Variants in NALCN observed in about 807,000 individuals in gnomAD.
The protein encoded by NALCN is sodium leak channel NALCN.
Under a neutral mutation model 225.3 loss-of-function variants are expected in NALCN, and 111 were observed. That is an observed-to-expected ratio of 0.49 (90% CI 0.42 to 0.58). NALCN has a LOEUF of 0.58. Ranked by LOEUF, NALCN falls within the 20% of genes least tolerant of loss-of-function variation. The probability of loss-of-function intolerance (pLI) is 0.00; values close to 1 mark genes in which losing one functional copy is unlikely to be tolerated. For missense variants in NALCN, 1,378 were observed against 2,202.4 expected (o/e 0.63, Z 7.49); for synonymous variants, 764 against 769.0 (o/e 0.99, Z 0.11).
At chr13:101,279,835 TA>T (rs375457580) in intron 10 of NALCN, among the ~76,000 whole-genome samples, 2,058 of 64,778 alleles carry the variant, frequency 0.032, 33 homozygotes, top group South Asian at 0.051. Flanking sequence ...AATAAATAAA[TA>T]AAATAAATAA....
intron 36 of NALCN, 69 bp from the exon 37 acceptor site, chr13:101,073,746 G>C (rs1387553240): frequency 5.2e-6 from 7 of 1,350,858 alleles, no homozygotes; most frequent in Non-Finnish European, 5.2e-6. Context: ...AGCATGGTTT[G>C]CCAACACCAA....
chr13:101,257,990 A>G (rs2042295065), intron 11 of NALCN, among the ~76,000 whole-genome samples: 1 of 152,090 alleles, frequency 6.6e-6, no homozygotes, highest in African/African-American at 2.4e-5. Context: ...GTAGGTTGTA[A>G]CACCCGTTTC....
intron 36 of NALCN, 92 bp downstream of exon 36, chr13:101,074,422 G>T (rs2139470305): frequency 8.2e-7 from 1 of 1,215,656 alleles, no homozygotes; most frequent in Non-Finnish European, 1.1e-6. Flanking sequence ...CCCTCTCCTA[G>T]ACTTTAATAG....
intron 13 of NALCN, among the ~76,000 whole-genome samples, chr13:101,228,269 G>C (rs2041222311): frequency 6.6e-6 from 1 of 152,056 alleles, no homozygotes; most frequent in Non-Finnish European, 1.5e-5. Flanking sequence ...CTAAAATAAA[G>C]CTAAGCTATC....
chr13:101,068,669 A>G (rs778552152), intron 38 of NALCN, 26 bp downstream of exon 38: 1 of 1,558,728 alleles, frequency 6.4e-7, no homozygotes, highest in Non-Finnish European at 8.7e-7. Flanking sequence ...TTAAAGAGTA[A>G]AAAGTATTCA....
chr13:101,063,517 A>G (rs2032127505), intron 40 of NALCN, among the ~76,000 whole-genome samples: 1 of 152,240 alleles, frequency 6.6e-6, no homozygotes, highest in South Asian at 2.1e-4. Context: ...CAGTATGCCT[A>G]TCTGCCTCAT....
chr13:101,401,445 T>C lies in NALCN; in HGVS notation c.-39-2280A>G, dbSNP rs2047476561. 1.3e-5 allele frequency among the ~76,000 whole-genome samples: 2 copies of C among 152,122 alleles called. 1 individual carries two copies. The highest frequency in any genetic ancestry group is 1.3e-4 in the Admixed American group (2 of 15,280). ...AAGATGACACATACAAAGGAGCAAG[T>C]AAAAGAGTGGTTTCACTTCAAAGAT... is the stretch of plus-strand genomic sequence containing the variant. On this transcript the variant is annotated intron_variant, in intron 1 of 43. Transcript: ENST00000251127.
intron 12 of NALCN, among the ~76,000 whole-genome samples, chr13:101,237,521 T>C (rs1043404096): frequency 2.6e-5 from 4 of 151,938 alleles, no homozygotes; most frequent in African/African-American, 9.7e-5. Flanking sequence ...AAGTAAAACA[T>C]CTACATTGTT....
At chr13:101,060,275 G>GTTTTTTTTTTTTTTTTTTTTTTTT (rs771531599) in intron 41 of NALCN, among the ~76,000 whole-genome samples, 1 of 79,854 alleles carries the variant, frequency 1.3e-5, no homozygotes. Flanking sequence ...GGTGTTTTCT[G>GTTTTTTTTTTTTTTTTTTTTTTTT]TTTTTTTTTT....
Position 101,287,463 on chromosome 13 carries a change from C to T in NALCN, c.1048-3444G>A, listed in dbSNP as rs1163343177. On this transcript the variant is annotated intron_variant, in intron 9 of 43. Coordinates refer to ENST00000251127, the MANE Select transcript of NALCN (RefSeq NM_052867.4). ...GTTTTACCACTAGCCAGTTATATAA[C>T]ATTGGGTTAGATAATTAACTTTCCA... Among the ~76,000 whole-genome samples the T allele has an allele frequency of 2.6e-5, 4 of 152,294 alleles. No homozygotes were observed. In the East Asian group the frequency reaches 5.8e-4, roughly 22 times the overall value.
At chr13:101,341,596 A>AT (rs575246355) in intron 7 of NALCN, among the ~76,000 whole-genome samples, 29 of 151,902 alleles carry the variant, frequency 1.9e-4, no homozygotes, top group East Asian at 1.9e-4. Flanking sequence ...ATATATCATG[A>AT]TTTTTTTTCA....
Position 101,135,075 on chromosome 13 carries a change from G to A in NALCN, c.2118+8005C>T, listed in dbSNP as rs558807267. 3.5e-3 allele frequency among the ~76,000 whole-genome samples: 527 copies of A among 152,188 alleles called. 6 individuals carry two copies. Among genetic ancestry groups the A allele is most frequent in the Non-Finnish European group, 6.0e-3 (408 of 68,004 alleles). ...CCGGGCGTGGTTGCGGGCGCCTGTAGTCCCAGCTACTCAGGAGGCTGAGGC... is the reference window on the plus strand; with the variant it reads ...CCGGGCGTGGTTGCGGGCGCCTGTAATCCCAGCTACTCAGGAGGCTGAGGC... On this transcript the variant is annotated intron_variant, in intron 17 of 43. Transcript: ENST00000251127.
chr13:101,115,629 T>C (rs2035672842), intron 18 of NALCN, among the ~76,000 whole-genome samples: 1 of 152,176 alleles, frequency 6.6e-6, no homozygotes, highest in South Asian at 2.1e-4. Flanking sequence ...ACATTTTTCA[T>C]TAGTATTGAG....
intron 20 of NALCN, among the ~76,000 whole-genome samples, chr13:101,108,595 G>T (rs767252420): frequency 6.6e-6 from 1 of 152,156 alleles, no homozygotes; most frequent in Non-Finnish European, 1.5e-5. Context: ...GAGGGTGCAG[G>T]CTGTGGTAGG....
chr13:101,148,412 C>T (rs955597329), intron 15 of NALCN, among the ~76,000 whole-genome samples: 2 of 152,196 alleles, frequency 1.3e-5, no homozygotes, highest in Non-Finnish European at 2.9e-5. Context: ...TCCCCCTCTC[C>T]TTTTCCTTAT....
At chr13:101,125,795 C>T (rs945017065) in intron 17 of NALCN, among the ~76,000 whole-genome samples, 40 of 152,094 alleles carry the variant, frequency 2.6e-4, no homozygotes, top group African/African-American at 8.7e-4. Flanking sequence ...GAGGCAAAGG[C>T]GGTACTGGGT....
chr13:101,355,978 A>G (rs982230787), intron 6 of NALCN, among the ~76,000 whole-genome samples: 2 of 152,222 alleles, frequency 1.3e-5, no homozygotes, highest in Non-Finnish European at 2.9e-5. Context: ...TAAGGCACAA[A>G]TCAAGAAGTT....
chr13:101,274,210 T>C (rs2042900867), intron 10 of NALCN, among the ~76,000 whole-genome samples: 1 of 152,116 alleles, frequency 6.6e-6, no homozygotes, highest in African/African-American at 2.4e-5. Flanking sequence ...CACGTGTGCA[T>C]ACAAAGGCAC....
rs2034131954 is a variant in NALCN, at chr13:101,089,909, A to G, written c.3327T>C (p.Phe1109=). 1 of 1,613,986 alleles carries G rather than the reference A, an allele frequency of 6.2e-7. No homozygotes were observed. The highest frequency in any genetic ancestry group is 1.3e-5 in the African/African-American group (1 of 74,932). ...CCCAGCCTTTCAAGGAGAGAACTTC[A>G]AACAACGCCAGCATAGCGTTTCCCA... The part of the protein sequence containing the change: ...DNVGNAMLAL[F]EVLSLKGWVE... Residue 1109 remains phenylalanine, a synonymous_variant, in exon 29 of 44, where the codon TTT becomes TTC. Transcript: ENST00000251127. This position sits in a 1 kb window ranked among gnomAD's most constrained non-coding sequence, Gnocchi z 4.7.
Sources: gnomAD v4.1 joint callset for allele counts (sites outside exome capture counted in the v4.1 genomes callset) on GRCh38, gnomAD v4.1.1 for gene constraint, Gnocchi (gnomAD v3.1) non-coding constraint, MANE v1.5 for transcripts, NCBI Gene and HGNC (gene_info 2026-07-23, HGNC 2026-07-21) for gene names.